Variants in CYRIB observed in about 807,000 individuals in gnomAD.
CYRIB encodes CYFIP-related Rac1 interactor B.
Under a neutral mutation model 44.2 loss-of-function variants are expected in CYRIB, and 8 were observed. The ratio of observed to expected loss-of-function variants is 0.18; its 90% CI spans 0.11 to 0.33. CYRIB has a LOEUF of 0.33. CYRIB is among the 10% of genes least tolerant of loss of function. CYRIB has a pLI of 1.00. For synonymous variants in CYRIB, 131 were observed against 127.2 expected, an observed-to-expected ratio of 1.03 and a Z score of -0.20; for missense variants, 185 against 382.8, an observed-to-expected ratio of 0.48 and a Z score of 4.31.
chr8:129,938,982 G>A (rs1201395450), intron 1 of CYRIB, among the ~76,000 whole-genome samples: 1 of 152,180 alleles, frequency 6.6e-6, no homozygotes, highest in Non-Finnish European at 1.5e-5. Context: ...CTAAGACTGA[G>A]AATCTGGACT....
rs576898595 is a variant in CYRIB at position 129,979,938 on chromosome 8, T to C, written c.-295-8943A>G. Among the ~76,000 whole-genome samples, 67 of 151,476 alleles carry C rather than the reference T, an allele frequency of 4.4e-4. No individual in the cohort carries two copies. The South Asian group carries it at 0.014, about 32-fold the overall frequency. On this transcript the variant is annotated intron_variant, in intron 1 of 14. Transcript: ENST00000401979. The stretch of plus-strand genomic sequence containing the variant: ...CTCCACCTCAAAAAATAAAATAAAA[T>C]AAAATAATTATCATTTCCCTTTAAA...
At chr8:129,954,819 C>T (rs1293318886) in intron 2 of CYRIB, among the ~76,000 whole-genome samples, 2 of 152,172 alleles carry the variant, frequency 1.3e-5, no homozygotes, top group African/African-American at 2.4e-5. Context: ...AATATCTATA[C>T]TAATAAGCAG....
exon 12 of CYRIB, chr8:129,840,002 C>A (rs1294327581): frequency 6.6e-6 from 1 of 152,548 alleles, no homozygotes; most frequent in African/African-American, 2.4e-5. Context: ...CTCTCAAGTT[C>A]GCAGACTCTC....
chr8:129,890,056 G>A (rs199576377), intron 2 of CYRIB, among the ~76,000 whole-genome samples: 17 of 152,192 alleles, frequency 1.1e-4, no homozygotes, highest in South Asian at 8.3e-4. Flanking sequence ...TTACAGGCGC[G>A]AGCCATTACT....
At chr8:129,923,559 G>A (rs569361926) in intron 1 of CYRIB, among the ~76,000 whole-genome samples, 2 of 152,228 alleles carry the variant, frequency 1.3e-5, no homozygotes, top group East Asian at 1.9e-4. Flanking sequence ...ACAGGTGTGA[G>A]TCACTGCACC....
intron 2 of CYRIB, among the ~76,000 whole-genome samples, chr8:129,954,830 T>G (rs1168483316): frequency 6.6e-6 from 1 of 152,180 alleles, no homozygotes; most frequent in Non-Finnish European, 1.5e-5. Context: ...TAATAAGCAG[T>G]GTGCAACATT....
intron 1 of CYRIB, among the ~76,000 whole-genome samples, chr8:129,993,164 G>A (rs1291103009): frequency 6.6e-6 from 1 of 152,090 alleles, no homozygotes; most frequent in Non-Finnish European, 1.5e-5. Context: ...GCCAAGGCGG[G>A]TGGATCACTT....
intron 2 of CYRIB, among the ~76,000 whole-genome samples, chr8:129,966,559 C>T (rs1372682923): frequency 6.6e-6 from 1 of 152,102 alleles, no homozygotes; most frequent in Non-Finnish European, 1.5e-5. Context: ...GATGCAAAAC[C>T]CAGAGATCAA....
At chr8:130,006,605 T>TATATATATATATAC (rs374570395) in intron 1 of CYRIB, among the ~76,000 whole-genome samples, 4 of 23,336 alleles carry the variant, frequency 1.7e-4, no homozygotes, top group Non-Finnish European at 2.7e-4. Context: ...TATATATATA[T>TATATATATATATAC]ACATATATAT....
intron 2 of CYRIB, among the ~76,000 whole-genome samples, chr8:129,891,356 G>T (rs1355615247): frequency 6.6e-6 from 1 of 152,092 alleles, no homozygotes; most frequent in Non-Finnish European, 1.5e-5. Context: ...GACTGATATC[G>T]GAGAAGTTCT....
At chr8:129,853,212 G>A (rs79009505) in intron 7 of CYRIB, among the ~76,000 whole-genome samples, 2,500 of 152,310 alleles carry the variant, frequency 0.016, 60 homozygotes, top group African/African-American at 0.052. Flanking sequence ...AGCCTTAAGT[G>A]ATGGCAAGGA....
At chr8:129,949,436 C>T (rs891113603) in intron 2 of CYRIB, 21 of 152,192 alleles carry the variant, frequency 1.4e-4, no homozygotes, top group African/African-American at 5.1e-4. Flanking sequence ...TACATACCTA[C>T]GAGGAGGTGA....
At chr8:129,853,263 A>G (rs1003095588) in intron 7 of CYRIB, among the ~76,000 whole-genome samples, 2 of 152,172 alleles carry the variant, frequency 1.3e-5, no homozygotes, top group African/African-American at 4.8e-5. Context: ...TTTTGCTTTT[A>G]TCTTATTTTA....
chr8:129,963,827 T>C (rs1348726318), intron 2 of CYRIB, among the ~76,000 whole-genome samples: 2 of 152,250 alleles, frequency 1.3e-5, no homozygotes, highest in South Asian at 2.1e-4. Flanking sequence ...GTGCAGATAA[T>C]GGAACGCTCT....
At chr8:129,924,172 G>A (rs1389892813) in intron 1 of CYRIB, among the ~76,000 whole-genome samples, 2 of 148,726 alleles carry the variant, frequency 1.3e-5, no homozygotes, top group Non-Finnish European at 3.0e-5. Context: ...AGCTACTCAT[G>A]AGGCTGAGAT....
intron 2 of CYRIB, among the ~76,000 whole-genome samples, chr8:129,902,541 G>A (rs2072789680): frequency 6.6e-6 from 1 of 152,102 alleles, no homozygotes; most frequent in Admixed American, 6.5e-5. Flanking sequence ...TTTAGAGACA[G>A]GGTCTTGTTC....
At chr8:129,985,357 C>T (rs929566978) in intron 1 of CYRIB, among the ~76,000 whole-genome samples, 2 of 152,126 alleles carry the variant, frequency 1.3e-5, no homozygotes, top group African/African-American at 4.8e-5. Context: ...CATCCTGGCC[C>T]GGGAAAGCTC....
intron 1 of CYRIB, among the ~76,000 whole-genome samples, chr8:129,939,236 G>A (rs1337220047): frequency 2.0e-5 from 3 of 151,966 alleles, no homozygotes; most frequent in African/African-American, 7.2e-5. Context: ...GTGGGAGCCA[G>A]GATTGGGGAG....
intron 3 of CYRIB, among the ~76,000 whole-genome samples, chr8:129,877,896 AAAGG>A (rs1346178213): frequency 6.6e-6 from 1 of 152,136 alleles, no homozygotes; most frequent in African/African-American, 2.4e-5. Flanking sequence ...ACAAAGAGGA[AAAGG>A]GAGACAGAAT....
Sources: gnomAD v4.1 joint callset for allele counts (sites outside exome capture counted in the v4.1 genomes callset) on GRCh38, gnomAD v4.1.1 for gene constraint, MANE v1.5 for transcripts, NCBI Gene and HGNC (gene_info 2026-07-23, HGNC 2026-07-21) for gene names.